SNTB2: variants seen among roughly 807,000 people sequenced by gnomAD.
The protein encoded by SNTB2 is beta-2-syntrophin.
A neutral mutation model predicts 46.2 loss-of-function variants in SNTB2; 34 were observed. That is an observed-to-expected ratio of 0.74 (90% CI 0.56 to 0.98). The LOEUF (loss-of-function observed/expected upper bound fraction) is 0.98. Ranked by LOEUF, SNTB2 falls within the 50% of genes least tolerant of loss-of-function variation. SNTB2 has a pLI of 0.00. For missense variants in SNTB2, 603 were observed against 731.4 expected, an observed-to-expected ratio of 0.82 and a Z score of 2.02; for synonymous variants, 290 against 312.6, an observed-to-expected ratio of 0.93 and a Z score of 0.76.
chr16:69,279,515 CTTTTTTTTTTTTTTT>C (rs57637291), intron 4 of SNTB2, among the ~76,000 whole-genome samples: 3 of 71,736 alleles, frequency 4.2e-5, no homozygotes, highest in Admixed American at 1.7e-4. Flanking sequence ...GTCCTTTGCC[CTTTTTTTTTTTTTTT>C]TTTTTTTTTT....
intron 1 of SNTB2, among the ~76,000 whole-genome samples, chr16:69,201,276 A>G (rs1010022971): frequency 2.0e-5 from 3 of 152,338 alleles, no homozygotes; most frequent in East Asian, 3.9e-4. Context: ...CTGAACTAGA[A>G]GGACTCCTCA....
chr16:69,193,457 T>A (rs1964074107), intron 1 of SNTB2, among the ~76,000 whole-genome samples: 1 of 150,016 alleles, frequency 6.7e-6, no homozygotes, highest in African/African-American at 2.5e-5. Context: ...GCCTCCCAAG[T>A]AGCTTGGATT....
chr16:69,273,404 A>G (rs1964956337), intron 4 of SNTB2, among the ~76,000 whole-genome samples: 1 of 152,258 alleles, frequency 6.6e-6, no homozygotes. Context: ...GTTAAAAACA[A>G]TAATGTTCTG....
intron 2 of SNTB2, among the ~76,000 whole-genome samples, chr16:69,255,904 G>T (rs568223464): frequency 2.0e-5 from 3 of 151,146 alleles, no homozygotes; most frequent in Non-Finnish European, 3.0e-5. Context: ...TGGTTGGGGT[G>T]GGGGGCGACG....
At chr16:69,238,127 T>C (rs1249888703) in intron 1 of SNTB2, among the ~76,000 whole-genome samples, 1 of 152,146 alleles carries the variant, frequency 6.6e-6, no homozygotes, top group East Asian at 1.9e-4. Flanking sequence ...CCTTGGCCTT[T>C]GGTTTTTGTT....
chr16:69,235,977 A>C, intron 1 of SNTB2: 2 of 725,078 alleles, frequency 2.8e-6, no homozygotes, highest in Non-Finnish European at 3.8e-6. Flanking sequence ...GGATTAATAG[A>C]GGTGGAATTT....
chr16:69,189,957 T>G (rs897049516), intron 1 of SNTB2, among the ~76,000 whole-genome samples: 5 of 152,356 alleles, frequency 3.3e-5, no homozygotes, highest in Non-Finnish European at 7.3e-5. Flanking sequence ...TTTCCCACTT[T>G]GTACAAGACA....
intron 4 of SNTB2, among the ~76,000 whole-genome samples, chr16:69,275,643 A>G (rs78815775): frequency 0.032 from 4,814 of 152,308 alleles, 115 homozygotes; most frequent in Non-Finnish European, 0.048. Flanking sequence ...AGGCAAGGCC[A>G]GAAAGTGTTT....
intron 4 of SNTB2, among the ~76,000 whole-genome samples, chr16:69,279,880 T>G (rs1204608210): frequency 7.9e-5 from 12 of 151,852 alleles, no homozygotes; most frequent in Non-Finnish European, 1.0e-4. Flanking sequence ...TTTATTTATT[T>G]ATTGATCATT....
chr16:69,210,045 G>A (rs1243779434), intron 1 of SNTB2, among the ~76,000 whole-genome samples: 2 of 94,730 alleles, frequency 2.1e-5, no homozygotes, highest in Non-Finnish European at 4.2e-5. Context: ...TTTTTTTTTA[G>A]ACGGAGTTTT....
In SNTB2 at chr16:69,308,276, G is replaced by A. The variant is rs748254042; in HGVS notation, c.*7352G>A. On this transcript the variant is annotated 3_prime_UTR_variant, in exon 7 of 7. Coordinates refer to ENST00000336278, the MANE Select transcript of SNTB2 (RefSeq NM_006750.4). Reference sequence around the variant, plus strand: ...CCTTCTATCTGGGTCCTGTTAAAGCGGGTGTCAGTTGTGTCTTTTCACCTC... The same window carrying A: ...CCTTCTATCTGGGTCCTGTTAAAGCAGGTGTCAGTTGTGTCTTTTCACCTC... The A allele has an allele frequency of 4.6e-5, 7 of 152,764 alleles. No homozygotes were observed. The highest frequency in any genetic ancestry group is 7.2e-5 in the African/African-American group (3 of 41,574). The allele number at this position is 152,764 out of a possible 1,614,324, so 9.5% of individuals were successfully genotyped here.
chr16:69,277,457 A>T (rs779363837), intron 4 of SNTB2, among the ~76,000 whole-genome samples: 3 of 152,234 alleles, frequency 2.0e-5, no homozygotes, highest in African/African-American at 4.8e-5. Context: ...CATAAAAAAG[A>T]TCCATTGAAA....
rs1289193103 is a variant in SNTB2 at position 69,304,401 on chromosome 16, C to CT, written c.*3482dup. 1 of 152,540 alleles carries CT rather than the reference C, an allele frequency of 6.6e-6. No individual in the cohort carries two copies. The highest frequency in any genetic ancestry group is 1.5e-5 in the Non-Finnish European group (1 of 68,022). The allele number at this position is 152,540 out of a possible 1,614,324, so 9.4% of individuals were successfully genotyped here. A position where few individuals can be genotyped will look rare whatever the true frequency, so the allele number is the denominator to read the frequency against. ...CCTATTTTAAAGCCATGTTTTAGCA[C>CT]TTTTTAGGCCAAAGAAGGTCTGATA... On this transcript the variant is annotated 3_prime_UTR_variant, in exon 7 of 7. Coordinates refer to ENST00000336278, the MANE Select transcript of SNTB2 (RefSeq NM_006750.4).
chr16:69,223,122 T>C (rs1269785960), intron 1 of SNTB2, among the ~76,000 whole-genome samples: 2 of 152,064 alleles, frequency 1.3e-5, no homozygotes, highest in African/African-American at 2.4e-5. Flanking sequence ...TTAAAAGTTA[T>C]AGAAATAATA....
intron 1 of SNTB2, among the ~76,000 whole-genome samples, chr16:69,244,308 A>G (rs1169258482): frequency 1.3e-5 from 2 of 152,246 alleles, no homozygotes; most frequent in African/African-American, 4.8e-5. Context: ...ATGTACCACC[A>G]TATGTATGAT....
intron 1 of SNTB2, among the ~76,000 whole-genome samples, chr16:69,200,455 G>A (rs2152289842): frequency 6.6e-6 from 1 of 152,266 alleles, no homozygotes; most frequent in Non-Finnish European, 1.5e-5. Flanking sequence ...TTTGGAATAT[G>A]CTTTATTTTT....
intron 5 of SNTB2, among the ~76,000 whole-genome samples, chr16:69,296,719 CAAAAAAA>C (rs199809401): frequency 6.6e-5 from 6 of 91,090 alleles, no homozygotes; most frequent in African/African-American, 2.1e-4. Flanking sequence ...GACTCTGTCT[CAAAAAAA>C]AAAAAAAGAA....
chr16:69,299,224 C>T (rs904393853), intron 5 of SNTB2, among the ~76,000 whole-genome samples: 3 of 151,154 alleles, frequency 2.0e-5, no homozygotes, highest in Non-Finnish European at 2.9e-5. Context: ...CTCACTGCAA[C>T]GTCCGCCTCC....
rs377284414 is a variant in SNTB2 at position 69,308,716 on chromosome 16, A to G, written c.*7792A>G. The G allele has an allele frequency of 1.3e-4, 20 of 152,360 alleles. No individual in the cohort carries two copies. The highest frequency in any genetic ancestry group is 4.6e-4 in the African/African-American group (19 of 41,584). 9.4% of individuals were successfully genotyped at this position (152,360 alleles called of 1,614,324 possible). On this transcript the variant is annotated 3_prime_UTR_variant, in exon 7 of 7. Transcript: ENST00000336278. ...AATAATGCTTTTACAAATAATTAAA[A>G]GTATGTGATGTTCTGGGTTTTTTCC...
Sources: allele counts gnomAD v4.1 joint callset (sites outside exome capture counted in the v4.1 genomes callset), GRCh38; gene constraint gnomAD v4.1.1; transcripts MANE v1.5; gene names NCBI Gene and HGNC (gene_info 2026-07-23, HGNC 2026-07-21).